Variants in KALRN observed in about 807,000 individuals in gnomAD.
KALRN encodes the protein kalirin.
KALRN carries 70 observed loss-of-function variants against 353.7 expected under a neutral mutation model. The ratio of observed to expected loss-of-function variants is 0.20; its 90% CI spans 0.16 to 0.24. The LOEUF (loss-of-function observed/expected upper bound fraction) is 0.24, where lower values mean the gene tolerates loss of function less well. Ranked by LOEUF, KALRN falls within the 10% of genes least tolerant of loss-of-function variation. The pLI is 1.00. For synonymous variants in KALRN, 1,391 were observed against 1,434.8 expected (o/e 0.97, Z 0.69); for missense variants, 2,791 against 3,756.7 (o/e 0.74, Z 6.72).
At chr3:124,400,514 T>G (rs2150115696) in intron 13 of KALRN, among the ~76,000 whole-genome samples, 1 of 152,342 alleles carries the variant, frequency 6.6e-6, no homozygotes, top group Non-Finnish European at 1.5e-5. Context: ...TTATTTTGAA[T>G]GTACTGTCAG....
At chr3:124,466,439 A>G (rs755490294) in intron 25 of KALRN, among the ~76,000 whole-genome samples, 1 of 152,134 alleles carries the variant, frequency 6.6e-6, no homozygotes, top group African/African-American at 2.4e-5. Flanking sequence ...CAGTCTTCCC[A>G]TTTTGCCTAG....
At chr3:124,342,569 A>G (rs1480942106) in intron 9 of KALRN, among the ~76,000 whole-genome samples, 2 of 152,182 alleles carry the variant, frequency 1.3e-5, no homozygotes, top group African/African-American at 4.8e-5. Flanking sequence ...ATTGATGGGC[A>G]CTTAGGTTGA....
At chr3:124,668,138 C>T (rs1052351926) in intron 47 of KALRN, among the ~76,000 whole-genome samples, 2 of 151,152 alleles carry the variant, frequency 1.3e-5, no homozygotes, top group South Asian at 2.1e-4. Flanking sequence ...TCCTGAGATC[C>T]GTCCTACATG....
At chr3:124,528,267 G>A (rs1412641005) in intron 33 of KALRN, among the ~76,000 whole-genome samples, 1 of 152,112 alleles carries the variant, frequency 6.6e-6, no homozygotes, top group Admixed American at 6.6e-5. Flanking sequence ...AGAACTCCAG[G>A]GGACCCAGTG....
intron 26 of KALRN, 68 bp downstream of exon 26, chr3:124,474,800 G>C: frequency 1.6e-6 from 2 of 1,230,070 alleles, no homozygotes; most frequent in South Asian, 1.2e-5. Context: ...CCTGACCTAA[G>C]GACTGGAGTC....
Position 124,430,646 on chromosome 3 carries a change from G to T in KALRN, c.2710-10G>T. On this transcript the variant is annotated splice_polypyrimidine_tract_variant and intron_variant, in intron 15 of 59. Transcript: ENST00000682506. ...GGCCATTCACCTGTGTGCTTGTCCC[G>T]ATTCCCTAGGTTCTGGGATGGATCC... 6.2e-7 allele frequency: 1 copy of T among 1,613,696 alleles called. No individual in the cohort carries two copies. The highest frequency in any genetic ancestry group is 1.1e-5 in the South Asian group (1 of 91,046).
At chr3:124,628,433 C>G (rs111211327) in intron 34 of KALRN, among the ~76,000 whole-genome samples, 12 of 120,238 alleles carry the variant, frequency 1.0e-4, no homozygotes, top group African/African-American at 3.5e-4. Context: ...CCTTCCTTCC[C>G]TCCCTCCCTT....
chr3:124,243,473 C>A (rs10804561), intron 3 of KALRN, among the ~76,000 whole-genome samples: 50,459 of 152,034 alleles, frequency 0.33, 9,723 homozygotes, highest in East Asian at 0.67. Context: ...CAGTAAGTGC[C>A]TGTAGCGATA....
intron 5 of KALRN, among the ~76,000 whole-genome samples, chr3:124,285,933 T>G (rs2075789271): frequency 6.6e-6 from 1 of 152,172 alleles, no homozygotes; most frequent in African/African-American, 2.4e-5. Flanking sequence ...AGGACAGACA[T>G]AGAACATGTC....
intron 9 of KALRN, among the ~76,000 whole-genome samples, chr3:124,336,317 T>C (rs951371119): frequency 6.6e-6 from 1 of 152,132 alleles, no homozygotes; most frequent in African/African-American, 2.4e-5. Flanking sequence ...CATCTGGAGC[T>C]ATCCTGATAA....
At chr3:124,167,609 C>T (rs917845950) in intron 1 of KALRN, among the ~76,000 whole-genome samples, 7 of 152,138 alleles carry the variant, frequency 4.6e-5, no homozygotes, top group East Asian at 1.9e-4. Context: ...GTTTTTATCA[C>T]GTAATTCTTT....
rs184432416 is a variant in KALRN, at chr3:124,453,730, C to T, written c.3553-1447C>T. On this transcript the variant is annotated intron_variant, in intron 21 of 59. Transcript: ENST00000682506. Reference sequence around the variant, plus strand: ...CAATTTCAGAGTTTGAAAATCCAAACTTAGGATTAAAAAATAAGCAGCAGT... The same window carrying T: ...CAATTTCAGAGTTTGAAAATCCAAATTTAGGATTAAAAAATAAGCAGCAGT... Among the ~76,000 whole-genome samples the T allele has an allele frequency of 3.3e-5, 5 of 152,308 alleles. No individual in the cohort carries two copies. In the East Asian group the frequency reaches 7.7e-4, roughly 24 times the overall value.
intron 1 of KALRN, among the ~76,000 whole-genome samples, chr3:124,129,075 C>T (rs1270767899): frequency 6.6e-6 from 1 of 152,104 alleles, no homozygotes; most frequent in Admixed American, 6.5e-5. Flanking sequence ...AAACTGCGTA[C>T]AGCCGTATTC....
chr3:124,713,873 G>A (rs909872795), intron 58 of KALRN, among the ~76,000 whole-genome samples: 1 of 152,140 alleles, frequency 6.6e-6, no homozygotes, highest in African/African-American at 2.4e-5. Context: ...GCCGAGTATG[G>A]CTCCACAAGA....
At chr3:124,067,684 A>T (rs1213703839) in intron 1 of KALRN, among the ~76,000 whole-genome samples, 2 of 152,196 alleles carry the variant, frequency 1.3e-5, no homozygotes, top group Non-Finnish European at 2.9e-5. Flanking sequence ...TGATGTGTTT[A>T]TGGAAACCAG....
At chr3:124,183,383 G>A (rs1282391368) in intron 1 of KALRN, among the ~76,000 whole-genome samples, 1 of 152,110 alleles carries the variant, frequency 6.6e-6, no homozygotes, top group Non-Finnish European at 1.5e-5. Context: ...ATCTCTCATG[G>A]TGAGAGTGGG....
intron 31 of KALRN, chr3:124,491,750 C>T (rs757411647): frequency 9.6e-6 from 2 of 209,272 alleles, no homozygotes; most frequent in East Asian, 1.0e-4. Flanking sequence ...GAACAATTGA[C>T]GCTTTGACAA....
intron 3 of KALRN, among the ~76,000 whole-genome samples, chr3:124,256,412 C>A (rs960910575): frequency 1.6e-4 from 25 of 152,132 alleles, no homozygotes; most frequent in Admixed American, 6.5e-5. Context: ...GAAGGCAAAT[C>A]CAAAGGCCAA....
At chr3:124,147,913 T>G (rs1351913141) in intron 1 of KALRN, among the ~76,000 whole-genome samples, 1 of 152,210 alleles carries the variant, frequency 6.6e-6, no homozygotes, top group Non-Finnish European at 1.5e-5. Context: ...GTTTTTTGGA[T>G]TGAATGTTTG....
Sources: gnomAD v4.1 joint callset for allele counts (sites outside exome capture counted in the v4.1 genomes callset) on GRCh38, gnomAD v4.1.1 for gene constraint, MANE v1.5 for transcripts, NCBI Gene and HGNC (gene_info 2026-07-23, HGNC 2026-07-21) for gene names.